The following ANAPC1 variants were observed in gnomAD, a reference collection of about 807,000 sequenced individuals.
The protein encoded by ANAPC1 is anaphase-promoting complex subunit 1.
Under a neutral mutation model 208.0 loss-of-function variants are expected in ANAPC1, and 36 were observed. That is an observed-to-expected ratio of 0.17 (90% CI 0.13 to 0.23). The LOEUF is 0.23. Ranked by LOEUF, ANAPC1 falls within the 10% of genes least tolerant of loss-of-function variation. ANAPC1 has a pLI of 1.00. For missense variants in ANAPC1, 942 were observed against 2,011.6 expected (o/e 0.47, Z 10.17); for synonymous variants, 378 against 695.2 (o/e 0.54, Z 7.18).
intron 20 of ANAPC1, among the ~76,000 whole-genome samples, chr2:111,832,247 G>A (rs1377294861): frequency 2.0e-5 from 3 of 147,412 alleles, no homozygotes; most frequent in African/African-American, 7.6e-5. Context: ...AGGATGCAGT[G>A]AGCCAAGATC....
At chr2:111,883,831 T>A (rs894646613) in intron 1 of ANAPC1, 111 bp downstream of exon 1, 1 of 152,460 alleles carries the variant, frequency 6.6e-6, no homozygotes, top group African/African-American at 2.4e-5. Flanking sequence ...GGGTTCCCAG[T>A]ACCCCGGGTT....
intron 18 of ANAPC1, among the ~76,000 whole-genome samples, chr2:111,837,186 G>A (rs2104477079): frequency 6.6e-6 from 1 of 152,176 alleles, no homozygotes; most frequent in South Asian, 2.1e-4. Flanking sequence ...AATCTCAAAA[G>A]CATTATGCTG....
chr2:111,845,421 A>G (rs1454215734), intron 16 of ANAPC1, among the ~76,000 whole-genome samples: 1 of 152,218 alleles, frequency 6.6e-6, no homozygotes, highest in Non-Finnish European at 1.5e-5. Context: ...GGTTGGAAGC[A>G]AATAATATTA....
At chr2:111,821,736 C>G (rs1679546728) in intron 25 of ANAPC1, 1 of 408,090 alleles carries the variant, frequency 2.5e-6, no homozygotes, top group Admixed American at 3.7e-5. Context: ...GGGTTCCAGA[C>G]CAGCCTGGCC....
At chr2:111,860,526 ATG>A (rs1682001727) in intron 10 of ANAPC1, among the ~76,000 whole-genome samples, 1 of 141,248 alleles carries the variant, frequency 7.1e-6, no homozygotes, top group Non-Finnish European at 1.5e-5. Flanking sequence ...CCAGCTTAAA[ATG>A]CTCTGGCCAA....
In ANAPC1 at chr2:111,802,250, T is replaced by C. The variant is rs184304191; in HGVS notation, c.4221+178A>G. Among the ~76,000 whole-genome samples the C allele has an allele frequency of 5.3e-3, 809 of 152,374 alleles. 8 individuals carry two copies. Among genetic ancestry groups the C allele is most frequent in the African/African-American group, 0.017 (703 of 41,600 alleles). On this transcript the variant is annotated intron_variant, in intron 33 of 47. Coordinates refer to ENST00000341068, the MANE Select transcript of ANAPC1 (RefSeq NM_022662.4). ...TTTATGTTTGCCATTCATTCATTCA[T>C]GGAGAACAGCCTGTGTTGCCCAGGC... is the stretch of plus-strand genomic sequence containing the variant.
intron 7 of ANAPC1, among the ~76,000 whole-genome samples, chr2:111,867,011 G>A (rs1459524541): frequency 6.6e-6 from 1 of 152,034 alleles, no homozygotes; most frequent in Non-Finnish European, 1.5e-5. Context: ...CCATTCTTAT[G>A]TTGGGTGCGG....
chr2:111,858,588 G>A (rs1244322038), intron 10 of ANAPC1, among the ~76,000 whole-genome samples, 187 bp from the exon 11 acceptor site: 9 of 151,656 alleles, frequency 5.9e-5, no homozygotes, highest in Non-Finnish European at 1.3e-4. Flanking sequence ...GTGAAATCCC[G>A]TCTCTACTAA....
chr2:111,839,589 TA>T (rs1680648693), intron 17 of ANAPC1, among the ~76,000 whole-genome samples: 1 of 152,254 alleles, frequency 6.6e-6, no homozygotes. Flanking sequence ...AAGTGATATT[TA>T]AAACTGAATG....
intron 6 of ANAPC1, among the ~76,000 whole-genome samples, chr2:111,872,313 T>G (rs1470990560): frequency 6.6e-6 from 1 of 152,178 alleles, no homozygotes; most frequent in Non-Finnish European, 1.5e-5. Flanking sequence ...CATCCCTGCA[T>G]CCCTGAGACA....
At chr2:111,849,110 T>C (rs941612635) in intron 14 of ANAPC1, among the ~76,000 whole-genome samples, 5 of 152,232 alleles carry the variant, frequency 3.3e-5, no homozygotes, top group Non-Finnish European at 7.3e-5. Flanking sequence ...AAGACTAAGA[T>C]GTATTTACTC....
chr2:111,882,467 C>A (rs1387657542), intron 1 of ANAPC1, among the ~76,000 whole-genome samples: 2 of 152,082 alleles, frequency 1.3e-5, no homozygotes, highest in Non-Finnish European at 2.9e-5. Context: ...CGATGGCTCA[C>A]GCCTGCAATC....
chr2:111,821,184 G>A, intron 26 of ANAPC1, 55 bp downstream of exon 26: 2 of 1,588,266 alleles, frequency 1.3e-6, no homozygotes, highest in South Asian at 2.2e-5. Flanking sequence ...ATATACACAA[G>A]ACACAAATGT....
Position 111,843,529 on chromosome 2 carries a change from C to T in ANAPC1, c.1923G>A (p.Trp641Ter). The T allele has an allele frequency of 1.2e-6, 2 of 1,611,946 alleles. No homozygotes were observed. The highest frequency in any genetic ancestry group is 1.7e-6 in the Non-Finnish European group (2 of 1,179,828). Residue 641 changes from tryptophan (W) to a stop codon, truncating the protein, a stop_gained, in exon 17 of 48, where the codon TGG becomes TGA. Coordinates refer to ENST00000341068, the MANE Select transcript of ANAPC1 (RefSeq NM_022662.4). LOFTEE classifies it high-confidence loss of function. ...KEIAVQMLVK[W>*]YNVHSAPGGP... ...CTCCTGGAGCACTGTGGACATTGTA[C>T]CACTTGACAAGCATCTGAACTGCTA...
chr2:111,840,545 AGGGGCATAG>A (rs1680706829), intron 17 of ANAPC1, among the ~76,000 whole-genome samples: 2 of 152,222 alleles, frequency 1.3e-5, no homozygotes, highest in Admixed American at 1.3e-4. Flanking sequence ...GGAAACGCGA[AGGGGCATAG>A]GTTCTCTGCC....
At chr2:111,801,305 C>G (rs916756002) in intron 33 of ANAPC1, among the ~76,000 whole-genome samples, 3 of 148,988 alleles carry the variant, frequency 2.0e-5, no homozygotes, top group Admixed American at 6.7e-5. Context: ...TGCAGTGAGC[C>G]AAGATGGTGT....
intron 16 of ANAPC1, among the ~76,000 whole-genome samples, chr2:111,844,898 T>G (rs1315894240): frequency 6.6e-6 from 1 of 152,156 alleles, no homozygotes; most frequent in Non-Finnish European, 1.5e-5. Flanking sequence ...CAGGCTGGAG[T>G]GCAGTGGTGC....
chr2:111,770,074 G>T (rs1430634646), intron 47 of ANAPC1, among the ~76,000 whole-genome samples: 1 of 142,528 alleles, frequency 7.0e-6, no homozygotes, highest in Non-Finnish European at 1.5e-5. Context: ...AAACGTTTTC[G>T]ATTTCAAACA....
chr2:111,784,097 C>T (rs1279051745), intron 41 of ANAPC1, 133 bp from the exon 42 acceptor site: 44 of 906,392 alleles, frequency 4.9e-5, no homozygotes, highest in Non-Finnish European at 1.4e-5. Flanking sequence ...AGCTCCATTT[C>T]CAGACAAAAA....
Sources: allele counts gnomAD v4.1 joint callset (sites outside exome capture counted in the v4.1 genomes callset), GRCh38; gene constraint gnomAD v4.1.1; transcripts MANE v1.5; gene names NCBI Gene and HGNC (gene_info 2026-07-23, HGNC 2026-07-21).